Variants in SRD5A2 observed in about 807,000 individuals in gnomAD.
SRD5A2 encodes 3-oxo-5-alpha-steroid 4-dehydrogenase 2.
In SRD5A2, 30 loss-of-function variants were observed where a neutral mutation model predicts 27.4. The ratio of observed to expected loss-of-function variants is 1.10; its 90% CI spans 0.82 to 1.49. The LOEUF is 1.49. Among genes scored for constraint, SRD5A2 ranks in the 40% most tolerant of loss-of-function variants. The probability of loss-of-function intolerance (pLI) is 0.00; values close to 1 mark genes in which losing one functional copy is unlikely to be tolerated. For missense variants in SRD5A2, 348 were observed against 323.4 expected, an observed-to-expected ratio of 1.08 and a Z score of -0.58; for synonymous variants, 141 against 133.6, an observed-to-expected ratio of 1.06 and a Z score of -0.38.
the SRD5A2 span, among the ~76,000 whole-genome samples, chr2:31,644,014 T>A: frequency 6.6e-6 from 1 of 152,230 alleles, no homozygotes. Flanking sequence ...AATCAATTTA[T>A]TAATCATAGG....
At chr2:31,562,073 C>T (rs571464622) in intron 1 of SRD5A2, among the ~76,000 whole-genome samples, 8 of 152,240 alleles carry the variant, frequency 5.3e-5, no homozygotes, top group South Asian at 2.1e-4. Flanking sequence ...AAGGACATAA[C>T]AGGCACTTTC....
At chr2:31,569,110 A>G (rs570325064) in intron 1 of SRD5A2, among the ~76,000 whole-genome samples, 3 of 152,122 alleles carry the variant, frequency 2.0e-5, no homozygotes, top group South Asian at 2.1e-4. Context: ...TGCCCCACCA[A>G]CTTGGTAGGG....
the SRD5A2 span, among the ~76,000 whole-genome samples, chr2:31,599,266 C>T: frequency 2.5e-3 from 381 of 151,790 alleles, 1 homozygote; most frequent in South Asian, 0.017. Context: ...GACAGAAAAT[C>T]AACCAAGAAA....
At chr2:31,559,360 T>A (rs1176229789) in intron 1 of SRD5A2, among the ~76,000 whole-genome samples, 1 of 152,262 alleles carries the variant, frequency 6.6e-6, no homozygotes, top group African/African-American at 2.4e-5. Context: ...AAACCACTCT[T>A]TGACTTATTC....
Position 31,533,583 on chromosome 2 carries a change from A to C in SRD5A2, c.445+20T>G. On this transcript the variant is annotated intron_variant, in intron 2 of 4. Transcript: ENST00000622030. The stretch of plus-strand genomic sequence containing the variant: ...GGTTGTTAGCTGGGAAGTAGGTGAG[A>C]AGTGGGCAGATTCACTTACCCAAGC... 6.5e-7 allele frequency: 1 copy of C among 1,549,812 alleles called. No individual in the cohort carries two copies. The highest frequency in any genetic ancestry group is 8.7e-7 in the Non-Finnish European group (1 of 1,145,784).
chr2:31,653,083 TC>T, the SRD5A2 span, among the ~76,000 whole-genome samples: 1 of 152,114 alleles, frequency 6.6e-6, no homozygotes, highest in Non-Finnish European at 1.5e-5. Context: ...TTTGCATTTT[TC>T]CCACACTAAC....
At chr2:31,577,781 C>A (rs756153276) in intron 1 of SRD5A2, among the ~76,000 whole-genome samples, 1 of 152,056 alleles carries the variant, frequency 6.6e-6, no homozygotes, top group African/African-American at 2.4e-5. Context: ...CCTTAAGCCT[C>A]GAAACAGATA....
the SRD5A2 span, among the ~76,000 whole-genome samples, chr2:31,588,829 A>C: frequency 6.6e-6 from 1 of 152,192 alleles, no homozygotes; most frequent in Admixed American, 6.5e-5. Flanking sequence ...AAAAAATCAT[A>C]ACTATATCAC....
chr2:31,620,849 A>C, the SRD5A2 span, among the ~76,000 whole-genome samples: 21 of 147,906 alleles, frequency 1.4e-4, no homozygotes, highest in African/African-American at 4.9e-4. Context: ...CTGCATGTGA[A>C]TCCACGATGG....
intron 1 of SRD5A2, among the ~76,000 whole-genome samples, chr2:31,579,406 T>A (rs1326999335): frequency 6.6e-6 from 1 of 152,224 alleles, no homozygotes; most frequent in Non-Finnish European, 1.5e-5. Flanking sequence ...ACTTCCTTGA[T>A]CTTTTGACCC....
the SRD5A2 span, among the ~76,000 whole-genome samples, chr2:31,601,926 A>G: frequency 1.3e-5 from 2 of 151,976 alleles, no homozygotes; most frequent in Admixed American, 6.6e-5. Context: ...TAGGAGCCAT[A>G]TATGACAAAT....
chr2:31,565,631 G>A (rs147568074), intron 1 of SRD5A2, among the ~76,000 whole-genome samples: 18 of 151,924 alleles, frequency 1.2e-4, no homozygotes, highest in Admixed American at 3.9e-4. Flanking sequence ...GTTTCATCAC[G>A]ATAAAAGCAT....
intron 1 of SRD5A2, among the ~76,000 whole-genome samples, chr2:31,568,849 G>C (rs939743435): frequency 1.3e-5 from 2 of 152,232 alleles, no homozygotes; most frequent in Non-Finnish European, 2.9e-5. Flanking sequence ...GGGCCAAGGC[G>C]GCAGGGGGCT....
intron 4 of SRD5A2, among the ~76,000 whole-genome samples, chr2:31,528,294 A>G (rs1665825362): frequency 6.6e-6 from 1 of 152,228 alleles, no homozygotes; most frequent in Admixed American, 6.5e-5. Context: ...TCAGGGAAGG[A>G]AGGCAGTACC....
At chr2:31,646,844 A>G in the SRD5A2 span, among the ~76,000 whole-genome samples, 1 of 152,180 alleles carries the variant, frequency 6.6e-6, no homozygotes. Context: ...AAAACAAAGC[A>G]AAACAAAAAA....
intron 1 of SRD5A2, among the ~76,000 whole-genome samples, chr2:31,535,396 A>C (rs957717494): frequency 5.3e-5 from 8 of 152,160 alleles, no homozygotes; most frequent in African/African-American, 1.9e-4. Flanking sequence ...CAGCAGTTCC[A>C]CATCTTTCCT....
rs1397519642 is a variant in SRD5A2, at chr2:31,529,339, A to T, written c.666T>A (p.Cys222Ter). 1 of 1,613,946 alleles carries T rather than the reference A, an allele frequency of 6.2e-7. No individual in the cohort carries two copies. Among genetic ancestry groups the T allele is most frequent in the Non-Finnish European group, 8.5e-7 (1 of 1,179,824 alleles). Residue 222 changes from cysteine to a stop codon, truncating the protein, a stop_gained, in exon 4 of 5, where the codon TGT (cysteine) becomes TGA (stop). Transcript: ENST00000622030. LOFTEE classifies it high-confidence loss of function. Reference protein sequence around the residue: ...PALAFAFFSLCFLGLRAFHHH... With the variant: ...PALAFAFFSL ...GGTGAAAAGCTCGCAGCCCAAGGAA[A>T]CAAAGTGAGAAAAATGCAAATGCAA...
the SRD5A2 span, chr2:31,651,923 G>A: frequency 6.5e-6 from 1 of 152,698 alleles, no homozygotes; most frequent in Non-Finnish European, 1.5e-5. Context: ...GCTATGGACA[G>A]CATCTAAAGT....
chr2:31,529,770 T>C (rs1224884784), intron 3 of SRD5A2, among the ~76,000 whole-genome samples: 1 of 152,128 alleles, frequency 6.6e-6, no homozygotes, highest in African/African-American at 2.4e-5. Flanking sequence ...GGAGGTCTGG[T>C]TTTTGTTTTG....
Sources: gnomAD v4.1 joint callset for allele counts (sites outside exome capture counted in the v4.1 genomes callset) on GRCh38, gnomAD v4.1.1 for gene constraint, MANE v1.5 for transcripts, NCBI Gene and HGNC (gene_info 2026-07-23, HGNC 2026-07-21) for gene names.